The following APBA2 variants were observed in gnomAD, a reference collection of about 807,000 sequenced individuals.
APBA2 encodes the protein amyloid-beta A4 precursor protein-binding family A member 2.
Under a neutral mutation model 75.0 loss-of-function variants are expected in APBA2, and 30 were observed. The observed-to-expected ratio is 0.40, with a 90% CI of 0.30 to 0.54. APBA2 has a LOEUF of 0.54. Ranked by LOEUF, APBA2 falls within the 20% of genes least tolerant of loss-of-function variation. The probability of loss-of-function intolerance (pLI) is 0.49; values close to 1 mark genes in which losing one functional copy is unlikely to be tolerated. For missense variants in APBA2, 801 were observed against 1,016.1 expected (o/e 0.79, Z 2.88); for synonymous variants, 444 against 409.6 (o/e 1.08, Z -1.01).
intron 1 of APBA2, among the ~76,000 whole-genome samples, chr15:28,907,171 A>G (rs143431483): frequency 0.2 from 30,142 of 152,162 alleles, 9,550 homozygotes; most frequent in African/African-American, 0.67. Context: ...TTTTAGATGT[A>G]GTGTGAGTTG....
At chr15:28,941,834 G>A (rs987769110) in intron 2 of APBA2, among the ~76,000 whole-genome samples, 1 of 152,192 alleles carries the variant, frequency 6.6e-6, no homozygotes, top group African/African-American at 2.4e-5. Context: ...TCAGCTCACC[G>A]CAAGCTCCGC....
intron 3 of APBA2, among the ~76,000 whole-genome samples, chr15:29,035,960 GA>G (rs1171643200): frequency 6.6e-6 from 1 of 152,186 alleles, no homozygotes; most frequent in Non-Finnish European, 1.5e-5. Context: ...CCTACCTGGG[GA>G]AGCTTTGGCA....
intron 14 of APBA2, 49 bp downstream of exon 14, chr15:29,114,065 C>G: frequency 6.2e-7 from 1 of 1,612,864 alleles, no homozygotes; most frequent in Non-Finnish European, 8.5e-7. Context: ...CCCACGTGCT[C>G]CCGCCTGCCC....
chr15:29,094,246 A>G (rs768448043), intron 7 of APBA2, 32 bp from the exon 8 acceptor site: 2 of 1,613,716 alleles, frequency 1.2e-6, no homozygotes, highest in Admixed American at 3.3e-5. Context: ...CTCTGTGCCA[A>G]CTTGTTTTTC....
rs551380788 is a variant in APBA2 at position 28,940,961 on chromosome 15, G to C, written c.-95+19212G>C. 2.6e-5 allele frequency among the ~76,000 whole-genome samples: 4 copies of C among 152,300 alleles called. No homozygotes were observed. The South Asian group carries it at 8.3e-4, about 32-fold the overall frequency. On this transcript the variant is annotated intron_variant, in intron 2 of 14. Transcript: ENST00000683413. ...AGCTCACCTGATGAGGCCAGAGATGGACAATTTGAACATCAGTAAGAGTAA... is the reference window on the plus strand; with the variant it reads ...AGCTCACCTGATGAGGCCAGAGATGCACAATTTGAACATCAGTAAGAGTAA...
At chr15:28,915,469 CCATA>C (rs2033647492) in intron 1 of APBA2, among the ~76,000 whole-genome samples, 1 of 147,642 alleles carries the variant, frequency 6.8e-6, no homozygotes, top group African/African-American at 2.5e-5. Flanking sequence ...CCACATAATA[CCATA>C]CATACACACC....
At chr15:29,023,517 G>A (rs1172724373) in intron 3 of APBA2, among the ~76,000 whole-genome samples, 2 of 140,212 alleles carry the variant, frequency 1.4e-5, no homozygotes, top group Admixed American at 7.6e-5. Context: ...GTGTAGTGGC[G>A]CGATCTTGGC....
chr15:28,894,216 T>A (rs988408683), intron 1 of APBA2, among the ~76,000 whole-genome samples: 1 of 152,184 alleles, frequency 6.6e-6, no homozygotes, highest in Non-Finnish European at 1.5e-5. Flanking sequence ...CCCTTCACTT[T>A]TCTTACCCCC....
At chr15:29,095,436 A>G (rs543794012) in intron 8 of APBA2, among the ~76,000 whole-genome samples, 1 of 14,826 alleles carries the variant, frequency 6.7e-5, no homozygotes, top group African/African-American at 6.9e-5. Context: ...ATCTCAAAAG[A>G]AAAAAAAAAA....
intron 6 of APBA2, among the ~76,000 whole-genome samples, chr15:29,078,535 C>T (rs568063695): frequency 6.0e-5 from 9 of 149,644 alleles, no homozygotes; most frequent in Admixed American, 1.3e-4. Flanking sequence ...CACTTGAACC[C>T]GGGAGGCGGA....
chr15:28,991,185 C>T lies in APBA2; in HGVS notation c.-94-4568C>T, dbSNP rs1212387880. 6.6e-6 allele frequency among the ~76,000 whole-genome samples: 1 copy of T among 152,184 alleles called. No individual in the cohort carries two copies. The highest frequency in any genetic ancestry group is 1.5e-5 in the Non-Finnish European group (1 of 68,032). On this transcript the variant is annotated intron_variant, in intron 2 of 14. Coordinates refer to ENST00000683413, the MANE Select transcript of APBA2 (RefSeq NM_001353788.2). This position sits in a 1 kb window ranked among gnomAD's most constrained non-coding sequence, Gnocchi z 4.7. ...ACCCCAAGGGCCCTCCTCTGCCTGT[C>T]TCAGCACCATCTCTGTGTGTCCCAT...
intron 2 of APBA2, among the ~76,000 whole-genome samples, chr15:28,926,807 G>T (rs2034285303): frequency 1.3e-5 from 2 of 149,942 alleles, no homozygotes; most frequent in African/African-American, 4.9e-5. Flanking sequence ...CTAGGTTGGT[G>T]GTTTCTTCTT....
chr15:29,093,145 C>A lies in APBA2; in HGVS notation c.1140C>A (p.Thr380=), dbSNP rs2152952000. The A allele has an allele frequency of 6.2e-7, 1 of 1,614,256 alleles. No individual in the cohort carries two copies. Among genetic ancestry groups the A allele is most frequent in the Non-Finnish European group, 8.5e-7 (1 of 1,180,046 alleles). Residue 380 remains threonine (T), a synonymous_variant, in exon 7 of 15, where the codon ACC becomes ACA. Coordinates refer to ENST00000683413, the MANE Select transcript of APBA2 (RefSeq NM_001353788.2). ...TTGCTGCCAATTACCTGGGGTCCACCCAGCTGCTATCAGAACGGAACCCTT... is the reference window on the plus strand; with the variant it reads ...TTGCTGCCAATTACCTGGGGTCCACACAGCTGCTATCAGAACGGAACCCTT... ...IIFAANYLGS[T]QLLSERNPSK...
At position 29,046,065 on chromosome 15, in the gene APBA2, C is replaced by T. The variant is rs925987234; in HGVS notation, c.-40-7780C>T. On this transcript the variant is annotated intron_variant, in intron 3 of 14. Coordinates refer to ENST00000683413, the MANE Select transcript of APBA2 (RefSeq NM_001353788.2). This position sits in a 1 kb window ranked among gnomAD's most constrained non-coding sequence, Gnocchi z 5.0. ...GGCAGCCCGGAAAGGTGGGATTTGGCAGCTATGTGGGACCTTCCTTCAGGC... is the reference window on the plus strand; with the variant it reads ...GGCAGCCCGGAAAGGTGGGATTTGGTAGCTATGTGGGACCTTCCTTCAGGC... Among the ~76,000 whole-genome samples, 1 of 152,176 alleles carries T rather than the reference C, an allele frequency of 6.6e-6. No homozygotes were observed. Among genetic ancestry groups the T allele is most frequent in the Non-Finnish European group, 1.5e-5 (1 of 68,028 alleles).
intron 3 of APBA2, among the ~76,000 whole-genome samples, chr15:29,000,757 A>AT (rs1319409942): frequency 2.6e-5 from 4 of 151,874 alleles, no homozygotes; most frequent in Non-Finnish European, 4.4e-5. Flanking sequence ...CACCCAGCTT[A>AT]TTTTTATGTA....
chr15:29,073,893 A>G (rs142846673), intron 4 of APBA2, among the ~76,000 whole-genome samples: 2 of 152,328 alleles, frequency 1.3e-5, no homozygotes, highest in East Asian at 3.9e-4. Context: ...AAGCAGTTGT[A>G]GTTTGGTGTC....
intron 2 of APBA2, chr15:28,990,927 C>G (rs1459489399): frequency 6.6e-6 from 1 of 152,214 alleles, no homozygotes; most frequent in Non-Finnish European, 1.5e-5. Context: ...AAGTTAGACT[C>G]TTGAAGACTT....
At chr15:29,083,970 A>G (rs1413520128) in intron 6 of APBA2, among the ~76,000 whole-genome samples, 1 of 152,208 alleles carries the variant, frequency 6.6e-6, no homozygotes, top group Non-Finnish European at 1.5e-5. Context: ...ATTTATCTTC[A>G]TCGGTAAAGT....
intron 2 of APBA2, among the ~76,000 whole-genome samples, chr15:28,963,426 C>T (rs2036578116): frequency 2.6e-5 from 4 of 152,184 alleles, no homozygotes. Context: ...TCCTTTCATC[C>T]TCCCCACCCA....
Sources: gnomAD v4.1 joint callset for allele counts (sites outside exome capture counted in the v4.1 genomes callset) on GRCh38, gnomAD v4.1.1 for gene constraint, Gnocchi (gnomAD v3.1) non-coding constraint, MANE v1.5 for transcripts, NCBI Gene and HGNC (gene_info 2026-07-23, HGNC 2026-07-21) for gene names.